Variants in CACNA1C observed in about 807,000 individuals in gnomAD.
CACNA1C encodes calcium voltage-gated channel subunit alpha1 C, also known as voltage-dependent L-type calcium channel subunit alpha-1C.
In CACNA1C, 30 loss-of-function variants were observed where a neutral mutation model predicts 229.0. The observed-to-expected ratio is 0.13, with a 90% confidence interval of 0.10 to 0.18. The LOEUF is 0.18. Among genes scored for constraint, CACNA1C ranks in the 10% least tolerant of loss-of-function variants. The probability of loss-of-function intolerance (pLI) is 1.00; values close to 1 mark genes in which losing one functional copy is unlikely to be tolerated. For missense variants in CACNA1C, 1,658 were observed against 2,845.0 expected, an observed-to-expected ratio of 0.58 and a Z score of 9.49; for synonymous variants, 1,114 against 1,132.5, an observed-to-expected ratio of 0.98 and a Z score of 0.33.
chr12:1,998,050 A>C, intron 1 of CACNA1C: 2 of 1,353,638 alleles, frequency 1.5e-6, no homozygotes, highest in East Asian at 4.8e-5. Flanking sequence ...AAATTCTCAT[A>C]GAATAGGAAT....
chr12:2,349,758 G>C (rs757045972), intron 3 of CACNA1C, among the ~76,000 whole-genome samples: 2 of 152,108 alleles, frequency 1.3e-5, no homozygotes, highest in African/African-American at 2.4e-5. Context: ...TGCAGAATGG[G>C]GATAGGATGG....
intron 1 of CACNA1C, among the ~76,000 whole-genome samples, chr12:1,990,260 G>A (rs1437763584): frequency 2.6e-5 from 4 of 152,208 alleles, no homozygotes; most frequent in Non-Finnish European, 5.9e-5. Context: ...TTGGCAGACA[G>A]TAAATGTTTG....
At chr12:2,352,153 T>C (rs2097219131) in intron 3 of CACNA1C, among the ~76,000 whole-genome samples, 1 of 152,176 alleles carries the variant, frequency 6.6e-6, no homozygotes, top group South Asian at 2.1e-4. Flanking sequence ...GTCTAGAGCA[T>C]CATCAGGTGA....
intron 3 of CACNA1C, among the ~76,000 whole-genome samples, chr12:2,293,553 A>G (rs2093718533): frequency 6.6e-6 from 1 of 152,172 alleles, no homozygotes; most frequent in African/African-American, 2.4e-5. Flanking sequence ...ATAAAACAGT[A>G]TGAGATTTTT....
At chr12:2,355,990 C>T (rs2097350776) in intron 3 of CACNA1C, among the ~76,000 whole-genome samples, 3 of 152,200 alleles carry the variant, frequency 2.0e-5, no homozygotes, top group East Asian at 1.9e-4. Flanking sequence ...AGGCCCGCAA[C>T]CCCCAGGAAC....
intron 3 of CACNA1C, among the ~76,000 whole-genome samples, chr12:2,282,992 A>T (rs561998008): frequency 6.3e-4 from 96 of 151,754 alleles, no homozygotes; most frequent in Non-Finnish European, 6.3e-4. Flanking sequence ...TGGAACCAGG[A>T]AGGAGTGGAG....
intron 3 of CACNA1C, among the ~76,000 whole-genome samples, chr12:2,260,391 G>A (rs112786856): frequency 5.3e-5 from 8 of 150,994 alleles, no homozygotes; most frequent in African/African-American, 1.2e-4. Flanking sequence ...TGGGAGGATT[G>A]CTTGAGCCCA....
Position 2,634,361 on chromosome 12 carries a change from T to C in CACNA1C, c.3893T>C (p.Ile1298Thr). The change falls in exon 30 of 47, where the codon ATA becomes ACA. Residue 1298 changes from isoleucine (I) to threonine (T), a missense_variant. Ile to Thr is a moderately conservative substitution (Grantham distance 89, BLOSUM62 -1). Coordinates refer to ENST00000399655, the MANE Select transcript of CACNA1C (RefSeq NM_000719.7). ...ATTGTTGTGGGTAGCATTGTTGATA[T>C]AGCAATCACCGAGGTAAACGTAAGT... ...ALIVVGSIVD[I>T]AITEVNPAEH... 6.3e-7 allele frequency: 1 copy of C among 1,579,024 alleles called. No homozygotes were observed. The highest frequency in any genetic ancestry group is 8.6e-7 in the Non-Finnish European group (1 of 1,158,716).
rs2067627187 is a variant in CACNA1C at position 2,595,366 on chromosome 12, A to G, written c.2664-508A>G. The stretch of plus-strand genomic sequence containing the variant: ...TTAGGAACCTAGCATTTTTGGTGCT[A>G]TCACTGAGTGCCTAGAAGCTCAGTT... On this transcript the variant is annotated intron_variant, in intron 19 of 46. Coordinates refer to ENST00000399655, the MANE Select transcript of CACNA1C (RefSeq NM_000719.7). The surrounding 1 kb of genome is among the most constrained non-coding windows in gnomAD (Gnocchi z 4.1). 6.6e-6 allele frequency among the ~76,000 whole-genome samples: 1 copy of G among 152,160 alleles called. No homozygotes were observed. Among genetic ancestry groups the G allele is most frequent in the African/African-American group, 2.4e-5 (1 of 41,434 alleles).
Position 2,054,704 on chromosome 12 carries a change from C to T in CACNA1C, c.49+1093C>T, listed in dbSNP as rs952230361. Among the ~76,000 whole-genome samples, 9 of 152,182 alleles carry T rather than the reference C, an allele frequency of 5.9e-5. No individual in the cohort carries two copies. The highest frequency in any genetic ancestry group is 2.2e-4 in the African/African-American group (9 of 41,428). Reference sequence around the variant, plus strand: ...TCCAGGCATGACATCTCTTTCTTCTCGCCACTGCTCTGTCTCTTTGGGTGT... The same window carrying T: ...TCCAGGCATGACATCTCTTTCTTCTTGCCACTGCTCTGTCTCTTTGGGTGT... On this transcript the variant is annotated intron_variant, in intron 1 of 46. Coordinates refer to ENST00000399655, the MANE Select transcript of CACNA1C (RefSeq NM_000719.7). The surrounding 1 kb of genome is among the most constrained non-coding windows in gnomAD (Gnocchi z 5.5).
At chr12:2,341,084 T>C (rs1037558116) in intron 3 of CACNA1C, among the ~76,000 whole-genome samples, 2 of 152,184 alleles carry the variant, frequency 1.3e-5, no homozygotes, top group African/African-American at 4.8e-5. Context: ...AAAGCCCTGG[T>C]CCAGGCCTGG....
Position 2,053,273 on chromosome 12 carries a change from G to A in CACNA1C, c.-290G>A. On this transcript the variant is annotated 5_prime_UTR_variant, in exon 1 of 47. Transcript: ENST00000399655. This position sits in a 1 kb window ranked among gnomAD's most constrained non-coding sequence, Gnocchi z 5.8. ...ATTTATTTTTTCAAATGGTGTAGCCGCCGGAGGTGCGGTGCTCAGTTCTTG... is the reference window on the plus strand; with the variant it reads ...ATTTATTTTTTCAAATGGTGTAGCCACCGGAGGTGCGGTGCTCAGTTCTTG... 7 of 1,114,716 alleles carry A rather than the reference G, an allele frequency of 6.3e-6. No individual in the cohort carries two copies. The highest frequency in any genetic ancestry group is 5.0e-5 in the Admixed American group (1 of 20,016). The allele number at this position is 1,114,716 out of a possible 1,614,324, so 69.1% of individuals were successfully genotyped here.
chr12:2,577,196 T>C (rs2058734014), intron 13 of CACNA1C, among the ~76,000 whole-genome samples: 1 of 152,254 alleles, frequency 6.6e-6, no homozygotes, highest in African/African-American at 2.4e-5. Context: ...TCTCTGTCTG[T>C]CTGTCTGTCT....
intron 15 of CACNA1C, among the ~76,000 whole-genome samples, chr12:2,583,249 G>C (rs1299091205): frequency 6.6e-6 from 1 of 152,242 alleles, no homozygotes; most frequent in Non-Finnish European, 1.5e-5. Flanking sequence ...CTGCGATAGG[G>C]ACGCGCGGGA....
chr12:2,593,387 A>C (rs768681624), intron 19 of CACNA1C, 42 bp downstream of exon 19: 6 of 1,607,052 alleles, frequency 3.7e-6, no homozygotes, highest in African/African-American at 1.3e-5. Context: ...TGCTCTCTCT[A>C]GTACCAGCCT....
intron 3 of CACNA1C, among the ~76,000 whole-genome samples, chr12:2,329,296 C>T (rs892287358): frequency 1.3e-5 from 2 of 152,124 alleles, no homozygotes; most frequent in Non-Finnish European, 2.9e-5. Context: ...CAGTTTCTAC[C>T]GTTATTACAA....
intron 34 of CACNA1C, among the ~76,000 whole-genome samples, chr12:2,662,057 A>C (rs1213966582): frequency 2.0e-5 from 3 of 152,128 alleles, no homozygotes; most frequent in Non-Finnish European, 4.4e-5. Flanking sequence ...CCTGGCTAAC[A>C]CCGTGAAACC....
chr12:2,239,647 C>T (rs559790910), intron 3 of CACNA1C, among the ~76,000 whole-genome samples: 1 of 152,170 alleles, frequency 6.6e-6, no homozygotes, highest in African/African-American at 2.4e-5. Flanking sequence ...ACGCTGTCCC[C>T]CACCCCTGCC....
chr12:2,294,766 G>A (rs1331267988), intron 3 of CACNA1C, among the ~76,000 whole-genome samples: 1 of 152,168 alleles, frequency 6.6e-6, no homozygotes, highest in Non-Finnish European at 1.5e-5. Context: ...GGGACTGCGG[G>A]CGCGTTGTTG....
Sources: gnomAD v4.1 joint callset for allele counts (sites outside exome capture counted in the v4.1 genomes callset) on GRCh38, gnomAD v4.1.1 for gene constraint, Gnocchi (gnomAD v3.1) non-coding constraint, MANE v1.5 for transcripts, NCBI Gene and HGNC (gene_info 2026-07-23, HGNC 2026-07-21) for gene names.